SNX20: variants seen among roughly 807,000 people sequenced by gnomAD.
SNX20 encodes sorting nexin-20.
In SNX20, 21 loss-of-function variants were observed where a neutral mutation model predicts 24.5. The observed-to-expected ratio is 0.86, with a 90% CI of 0.61 to 1.23. The LOEUF is 1.23. Among genes scored for constraint, SNX20 ranks in the 50% most tolerant of loss-of-function variants. The pLI, the probability that SNX20 is intolerant of heterozygous loss-of-function variation, is 0.00. For synonymous variants in SNX20, 206 were observed against 192.8 expected (o/e 1.07, Z -0.57); for missense variants, 433 against 430.8 (o/e 1.00, Z -0.04).
In SNX20 at chr16:50,673,660, C is replaced by T. The variant is rs554052528; in HGVS notation, c.697G>A (p.Val233Met). The change falls in exon 4 of 4, where the codon GTG (valine) becomes ATG (methionine). Residue 233 changes from valine (V) to methionine (M), a missense_variant. Physicochemically the swap from Val to Met is conservative, Grantham distance 21. Coordinates refer to ENST00000330943, the MANE Select transcript of SNX20 (RefSeq NM_182854.4). The surrounding 1 kb of genome is among the most constrained non-coding windows in gnomAD (Gnocchi z 4.1). ...TCGAGGTCGCGGTGGCACAGCAGCA[C>T]GGCGCACAGGGCCGGGACGGCGGCC... ...PAAAVPALCA[V>M]LLCHRDLDRP... is the part of the protein sequence containing the mutation. The T allele has an allele frequency of 3.3e-6, 5 of 1,509,300 alleles. No individual in the cohort carries two copies. The highest frequency in any genetic ancestry group is 5.1e-5 in the East Asian group (2 of 39,036). The allele number at this position is 1,509,300 out of a possible 1,614,324, so 93.5% of individuals were successfully genotyped here.
downstream of SNX20, chr16:50,668,055 G>A (rs893068578): frequency 5.2e-6 from 8 of 1,551,588 alleles, no homozygotes; most frequent in Admixed American, 3.9e-5. Flanking sequence ...CGGGTTGAAA[G>A]CCAAGAGTGG....
chr16:50,673,487 C>G lies in SNX20; in HGVS notation c.870G>C (p.Arg290Ser). 1 of 1,608,204 alleles carries G rather than the reference C, an allele frequency of 6.2e-7. No individual in the cohort carries two copies. The highest frequency in any genetic ancestry group is 1.3e-5 in the African/African-American group (1 of 74,254). The change falls in exon 4 of 4, where the codon AGG becomes AGC. Residue 290 changes from arginine (R) to serine (S), a missense_variant. By Grantham distance (110) the Arg-to-Ser change is moderately radical. Transcript: ENST00000330943. This position sits in a 1 kb window ranked among gnomAD's most constrained non-coding sequence, Gnocchi z 4.1. ...LGKDFVTLQE[R>S]LEESQLRRPT... The stretch of plus-strand genomic sequence containing the variant: ...GCCTCCGGAGCTGGCTCTCCTCCAG[C>G]CTCTCCTGCAGAGTCACGAAGTCCT...
chr16:50,681,245 C>T lies in SNX20; in HGVS notation c.-65G>A, dbSNP rs1025430410. 6.6e-6 allele frequency: 1 copy of T among 152,484 alleles called. No homozygotes were observed. The highest frequency in any genetic ancestry group is 1.9e-4 in the East Asian group (1 of 5,282). 9.4% of individuals were successfully genotyped at this position (152,484 alleles called of 1,614,324 possible). A position where few individuals can be genotyped will look rare whatever the true frequency, so the allele number is the denominator to read the frequency against. On this transcript the variant is annotated 5_prime_UTR_variant, in exon 1 of 4. Coordinates refer to ENST00000330943, the MANE Select transcript of SNX20 (RefSeq NM_182854.4). The stretch of plus-strand genomic sequence containing the variant: ...GGTCCGGGAGGAGTGTCATATGGCC[C>T]CTTCGAGCTCTTGGTTCTCAGCTCC...
chr16:50,677,003 AG>A (rs1273448224), intron 2 of SNX20, among the ~76,000 whole-genome samples: 1 of 152,196 alleles, frequency 6.6e-6, no homozygotes, highest in African/African-American at 2.4e-5. Context: ...CAGCAGGCCC[AG>A]GAGCGTCCCT....
chr16:50,669,046 G>T, downstream of SNX20: 1 of 1,551,868 alleles, frequency 6.4e-7, no homozygotes, highest in Non-Finnish European at 8.7e-7. Flanking sequence ...GCCTCTCAGA[G>T]CATGTCACTT....
intron 1 of SNX20, 117 bp from the exon 2 acceptor site, chr16:50,677,652 GCC>G: frequency 1.7e-6 from 2 of 1,144,512 alleles, no homozygotes; most frequent in Non-Finnish European, 2.3e-6. Flanking sequence ...AATGACAAGG[GCC>G]CCACGGCTCA....
Position 50,674,014 on chromosome 16 carries a change from G to C in SNX20, c.343C>G (p.Arg115Gly), listed in dbSNP as rs762125596. Residue 115 changes from arginine to glycine, a missense_variant, in exon 4 of 4, where the codon CGG becomes GGG. Physicochemically the swap from Arg to Gly is moderately radical, Grantham distance 125. Coordinates refer to ENST00000330943, the MANE Select transcript of SNX20 (RefSeq NM_182854.4). The part of the protein sequence containing the change: ...SFDNNKAVLE[R>G]RYSDFAKLQK... ...AGCTTCGCGAAGTCGGAATAGCGCCGTTCCAGGACGGCCTTGTTGTTGTCA... is the reference window on the plus strand; with the variant it reads ...AGCTTCGCGAAGTCGGAATAGCGCCCTTCCAGGACGGCCTTGTTGTTGTCA... 5 of 1,611,318 alleles carry C rather than the reference G, an allele frequency of 3.1e-6. No homozygotes were observed. Among genetic ancestry groups the C allele is most frequent in the Non-Finnish European group, 4.2e-6 (5 of 1,178,892 alleles).
chr16:50,668,560 G>T, downstream of SNX20: 1 of 1,015,702 alleles, frequency 9.8e-7, no homozygotes, highest in Non-Finnish European at 1.2e-6. Context: ...AAAGGAGACT[G>T]CTCAAAGGAA....
rs749518961 is a variant in SNX20, at chr16:50,673,488, C to T, written c.869G>A (p.Arg290Lys). Residue 290 changes from arginine (R) to lysine (K), a missense_variant, in exon 4 of 4, where the codon AGG becomes AAG. By Grantham distance (26) the Arg-to-Lys change is conservative (BLOSUM62 2). Coordinates refer to ENST00000330943, the MANE Select transcript of SNX20 (RefSeq NM_182854.4). The surrounding 1 kb of genome is among the most constrained non-coding windows in gnomAD (Gnocchi z 4.1). ...LGKDFVTLQERLEESQLRRPT... is the reference protein window; with the variant it reads ...LGKDFVTLQEKLEESQLRRPT... ...CCTCCGGAGCTGGCTCTCCTCCAGC[C>T]TCTCCTGCAGAGTCACGAAGTCCTT... The T allele has an allele frequency of 1.2e-6, 2 of 1,608,410 alleles. No individual in the cohort carries two copies. The highest frequency in any genetic ancestry group is 8.5e-7 in the Non-Finnish European group (1 of 1,177,986).
intron 1 of SNX20, among the ~76,000 whole-genome samples, chr16:50,679,587 T>C (rs1963253939): frequency 6.6e-6 from 1 of 152,202 alleles, no homozygotes; most frequent in Admixed American, 6.5e-5. Context: ...CTCTCGCTTG[T>C]CTCTTGTGCC....
At chr16:50,676,887 GCA>G (rs1259295815) in intron 2 of SNX20, among the ~76,000 whole-genome samples, 1 of 152,224 alleles carries the variant, frequency 6.6e-6, no homozygotes, top group Admixed American at 6.5e-5. Context: ...CCAGGAGATG[GCA>G]CTACAGCAGA....
chr16:50,668,304 C>T, downstream of SNX20: 1 of 1,371,282 alleles, frequency 7.3e-7, no homozygotes, highest in East Asian at 2.7e-5. Flanking sequence ...AGAGAAGTCT[C>T]AGCTTGGTGA....
Position 50,673,215 on chromosome 16 carries a change from T to C in SNX20, c.*191A>G. The C allele has an allele frequency of 3.0e-6, 3 of 987,228 alleles. No homozygotes were observed. The highest frequency in any genetic ancestry group is 4.0e-6 in the Non-Finnish European group (3 of 758,236). 61.2% of individuals were successfully genotyped at this position (987,228 alleles called of 1,614,324 possible). A position where few individuals can be genotyped will look rare whatever the true frequency, so the allele number is the denominator to read the frequency against. ...ACTTGGGAGGCTGAGGTGGGAGGATTGCTTGTGCCCAGGAGTTTGAGGCTG... is the reference window on the plus strand; with the variant it reads ...ACTTGGGAGGCTGAGGTGGGAGGATCGCTTGTGCCCAGGAGTTTGAGGCTG... On this transcript the variant is annotated 3_prime_UTR_variant, in exon 4 of 4. Transcript: ENST00000330943. This position sits in a 1 kb window ranked among gnomAD's most constrained non-coding sequence, Gnocchi z 4.1.
chr16:50,673,522 C>A lies in SNX20; in HGVS notation c.835G>T (p.Ala279Ser), dbSNP rs1381896661. Residue 279 changes from alanine (A) to serine (S), a missense_variant, in exon 4 of 4, where the codon GCG becomes TCG. By Grantham distance (99) the Ala-to-Ser change is moderately conservative. Transcript: ENST00000330943. This position sits in a 1 kb window ranked among gnomAD's most constrained non-coding sequence, Gnocchi z 4.1. ...LLDAMVRLAY[A>S]LGKDFVTLQE... ...AGAGTCACGAAGTCCTTGCCCAGCG[C>A]GTAGGCCAGGCGGACCATGGCGTCC... The A allele has an allele frequency of 6.2e-7, 1 of 1,610,138 alleles. No homozygotes were observed. Among genetic ancestry groups the A allele is most frequent in the South Asian group, 1.1e-5 (1 of 90,788 alleles).
chr16:50,674,102 C>A (rs1963127436), intron 3 of SNX20, 28 bp from the exon 4 acceptor site: 1 of 1,558,576 alleles, frequency 6.4e-7, no homozygotes, highest in Admixed American at 1.9e-5. Context: ...AGAGCTGTGG[C>A]CACCTCCCGG....
chr16:50,676,841 T>C (rs1378020699), intron 2 of SNX20, among the ~76,000 whole-genome samples: 1 of 152,244 alleles, frequency 6.6e-6, no homozygotes, highest in Non-Finnish European at 1.5e-5. Flanking sequence ...AGGTATTGAA[T>C]AGGGCATCTC....
At chr16:50,674,790 G>A (rs1567370033) in intron 3 of SNX20, among the ~76,000 whole-genome samples, 1 of 152,316 alleles carries the variant, frequency 6.6e-6, no homozygotes, top group East Asian at 1.9e-4. Context: ...AGGTACACTG[G>A]TGATGCCGTT....
At chr16:50,668,903 G>C, downstream of SNX20, 1 of 1,456,676 alleles carries the variant, frequency 6.9e-7, no homozygotes, top group Non-Finnish European at 9.1e-7. Context: ...GTGCCTCCCA[G>C]CCTGAAGCCA....
In SNX20 at chr16:50,672,496, C is replaced by CGTGTGTGTGTGTGT. The variant is rs72303410; in HGVS notation, c.*896_*909dup. Reference sequence around the variant, plus strand: ...CAAAAGGATGGCATACAACTCCCACCGTGTGTGTGTGTGTGTGTGTGTGTG... The same window carrying CGTGTGTGTGTGTGT: ...CAAAAGGATGGCATACAACTCCCACCGTGTGTGTGTGTGTGTGTGTGTGTGTGTGTGTGTGTGTG... On this transcript the variant is annotated 3_prime_UTR_variant, in exon 4 of 4. Transcript: ENST00000330943. 1.4e-4 allele frequency: 19 copies of CGTGTGTGTGTGTGT among 138,084 alleles called. No individual in the cohort carries two copies. Among genetic ancestry groups the CGTGTGTGTGTGTGT allele is most frequent in the African/African-American group, 5.0e-4 (18 of 36,054 alleles). The allele number at this position is 138,084 out of a possible 1,614,324, so 8.6% of individuals were successfully genotyped here. A position where few individuals can be genotyped will look rare whatever the true frequency, so the allele number is the denominator to read the frequency against.
Sources: gnomAD v4.1 joint callset for allele counts (sites outside exome capture counted in the v4.1 genomes callset) on GRCh38, gnomAD v4.1.1 for gene constraint, Gnocchi (gnomAD v3.1) non-coding constraint, MANE v1.5 for transcripts, NCBI Gene and HGNC (gene_info 2026-07-23, HGNC 2026-07-21) for gene names.